GRM8: variants seen among roughly 807,000 people sequenced by gnomAD.
GRM8 encodes glutamate metabotropic receptor 8, also known as metabotropic glutamate receptor 8.
GRM8 carries 47 observed loss-of-function variants against 87.2 expected under a neutral mutation model. The observed-to-expected ratio is 0.54, with a 90% CI of 0.43 to 0.69. The LOEUF (loss-of-function observed/expected upper bound fraction) is 0.69, where lower values mean the gene tolerates loss of function less well. Ranked by LOEUF, GRM8 falls within the 30% of genes least tolerant of loss-of-function variation. The pLI, the probability that GRM8 is intolerant of heterozygous loss-of-function variation, is 0.00. For synonymous variants in GRM8, 396 were observed against 404.5 expected, an observed-to-expected ratio of 0.98 and a Z score of 0.25; for missense variants, 1,019 against 1,139.2, an observed-to-expected ratio of 0.89 and a Z score of 1.52.
intron 7 of GRM8, among the ~76,000 whole-genome samples, chr7:126,665,399 A>G (rs1805649048): frequency 6.6e-6 from 1 of 152,218 alleles, no homozygotes; most frequent in Admixed American, 6.5e-5. Flanking sequence ...ATACGTATTC[A>G]CCATAGAATA....
intron 3 of GRM8, among the ~76,000 whole-genome samples, chr7:127,015,820 A>T (rs769619202): frequency 1.1e-4 from 16 of 152,152 alleles, no homozygotes; most frequent in Non-Finnish European, 5.9e-5. Flanking sequence ...TGTATAAAAA[A>T]GAAATAAGCC....
chr7:126,620,388 T>C (rs1245375730), intron 7 of GRM8, among the ~76,000 whole-genome samples: 7 of 152,204 alleles, frequency 4.6e-5, no homozygotes, highest in Admixed American at 4.6e-4. Context: ...CCCTTAGATG[T>C]CACACATCTC....
intron 6 of GRM8, among the ~76,000 whole-genome samples, chr7:126,859,385 G>A (rs537245356): frequency 6.6e-6 from 1 of 152,292 alleles, no homozygotes; most frequent in Admixed American, 6.5e-5. Context: ...AGGTATGATG[G>A]ACCAAGATCA....
At chr7:126,688,323 G>C (rs1167246488) in intron 7 of GRM8, among the ~76,000 whole-genome samples, 3 of 152,146 alleles carry the variant, frequency 2.0e-5, no homozygotes, top group African/African-American at 7.2e-5. Context: ...AAGGAGCAAG[G>C]ATCTCTATGC....
intron 2 of GRM8, among the ~76,000 whole-genome samples, chr7:127,137,636 T>C (rs1354192802): frequency 6.6e-6 from 1 of 152,140 alleles, no homozygotes; most frequent in Non-Finnish European, 1.5e-5. Context: ...TTTTTCTACT[T>C]AAAATTTAAA....
intron 3 of GRM8, among the ~76,000 whole-genome samples, chr7:127,078,734 A>G (rs144116025): frequency 3.3e-4 from 51 of 152,336 alleles, no homozygotes; most frequent in African/African-American, 1.0e-3. Context: ...GGGCTATTTT[A>G]AAGGAAGAAA....
intron 7 of GRM8, among the ~76,000 whole-genome samples, chr7:126,675,418 C>T (rs1806858843): frequency 6.6e-6 from 1 of 152,054 alleles, no homozygotes; most frequent in South Asian, 2.1e-4. Flanking sequence ...ATACCTAAGC[C>T]AGGAAAGGAA....
At chr7:127,149,785 T>C (rs1211124052) in intron 2 of GRM8, among the ~76,000 whole-genome samples, 3 of 151,786 alleles carry the variant, frequency 2.0e-5, no homozygotes, top group Non-Finnish European at 4.4e-5. Context: ...GAGGGCTAAG[T>C]GAAATAAGGC....
At chr7:127,217,829 G>C (rs867974927) in intron 2 of GRM8, among the ~76,000 whole-genome samples, 1 of 152,222 alleles carries the variant, frequency 6.6e-6, no homozygotes, top group Non-Finnish European at 1.5e-5. Flanking sequence ...CAGAATATCA[G>C]TGTTCCACTC....
At chr7:126,938,802 T>C (rs1440015248) in intron 3 of GRM8, among the ~76,000 whole-genome samples, 1 of 152,176 alleles carries the variant, frequency 6.6e-6, no homozygotes. Flanking sequence ...CATGTGCAAA[T>C]ATTTAGTAAC....
intron 8 of GRM8, among the ~76,000 whole-genome samples, chr7:126,558,245 C>T (rs916332983): frequency 1.3e-5 from 2 of 152,106 alleles, no homozygotes; most frequent in African/African-American, 4.8e-5. Context: ...CAACTGTGTA[C>T]CAAGTATAGT....
chr7:126,892,604 C>T (rs4731335), intron 6 of GRM8, among the ~76,000 whole-genome samples: 26,937 of 151,976 alleles, frequency 0.18, 2,456 homozygotes, highest in East Asian at 0.28. Flanking sequence ...CATACATGTG[C>T]GTGTGTCTTT....
Position 126,903,595 on chromosome 7 carries a change from C to T in GRM8, c.1018+377G>A, listed in dbSNP as rs1488964957. On this transcript the variant is annotated intron_variant, in intron 5 of 10. Coordinates refer to ENST00000339582, the MANE Select transcript of GRM8 (RefSeq NM_000845.3). ...ACACACACACACACACACACACACA[C>T]ACACACTATATACATATATACATAT... is the stretch of plus-strand genomic sequence containing the variant. Among the ~76,000 whole-genome samples, 48 of 122,628 alleles carry T rather than the reference C, an allele frequency of 3.9e-4. 1 individual carries two copies. Among genetic ancestry groups the T allele is most frequent in the East Asian group, 3.9e-3 (14 of 3,596 alleles). The allele number at this position is 122,628 out of a possible 152,430, so 80.4% of individuals were successfully genotyped here. A position where few individuals can be genotyped will look rare whatever the true frequency, so the allele number is the denominator to read the frequency against.
intron 3 of GRM8, among the ~76,000 whole-genome samples, chr7:127,043,930 G>A (rs1038032120): frequency 2.6e-5 from 4 of 152,140 alleles, no homozygotes; most frequent in African/African-American, 9.7e-5. Context: ...TAAAGGGGGA[G>A]CTGGAGAATA....
chr7:126,844,616 A>C (rs1396694821), intron 6 of GRM8, among the ~76,000 whole-genome samples: 2 of 152,262 alleles, frequency 1.3e-5, no homozygotes, highest in East Asian at 3.9e-4. Context: ...TGAGTGGCTA[A>C]AGAACAGCAG....
chr7:126,717,095 C>G (rs1811842826), intron 7 of GRM8, among the ~76,000 whole-genome samples: 1 of 152,190 alleles, frequency 6.6e-6, no homozygotes, highest in Admixed American at 6.5e-5. Context: ...TTGGGACCAT[C>G]TTTGTGAGAT....
At chr7:126,617,111 G>A (rs1192963785) in intron 7 of GRM8, among the ~76,000 whole-genome samples, 6 of 152,138 alleles carry the variant, frequency 3.9e-5, no homozygotes, top group East Asian at 1.9e-4. Context: ...GATGAACATC[G>A]CTGTGAAAAT....
chr7:126,460,941 T>G (rs1329889818), intron 9 of GRM8, among the ~76,000 whole-genome samples: 1 of 151,458 alleles, frequency 6.6e-6, no homozygotes, highest in Non-Finnish European at 1.5e-5. Context: ...CATTAGTCAC[T>G]CAGAAGCCCT....
At chr7:126,607,720 T>G (rs759701615) in intron 8 of GRM8, among the ~76,000 whole-genome samples, 1 of 152,114 alleles carries the variant, frequency 6.6e-6, no homozygotes, top group African/African-American at 2.4e-5. Context: ...TATTATACTT[T>G]AAGTTTTAGG....
Sources: allele counts gnomAD v4.1 joint callset (sites outside exome capture counted in the v4.1 genomes callset), GRCh38; gene constraint gnomAD v4.1.1; transcripts MANE v1.5; gene names NCBI Gene and HGNC (gene_info 2026-07-23, HGNC 2026-07-21).